The following KLHL28 variants were observed in gnomAD, a reference collection of about 807,000 sequenced individuals.
KLHL28 encodes the protein kelch-like protein 28.
In KLHL28, 22 loss-of-function variants were observed where a neutral mutation model predicts 48.3. The observed-to-expected ratio is 0.46, with a 90% CI of 0.33 to 0.65. The LOEUF is 0.65. Ranked by LOEUF, KLHL28 falls within the 30% of genes least tolerant of loss-of-function variation. The pLI, the probability that KLHL28 is intolerant of heterozygous loss-of-function variation, is 0.03. For missense variants in KLHL28, 527 were observed against 704.3 expected, an observed-to-expected ratio of 0.75 and a Z score of 2.85; for synonymous variants, 243 against 242.4, an observed-to-expected ratio of 1.00 and a Z score of -0.02.
Position 44,928,629 on chromosome 14 carries a change from C to T in KLHL28, c.*399G>A, listed in dbSNP as rs1450594756. 1.3e-5 allele frequency: 2 copies of T among 152,084 alleles called. No homozygotes were observed. The highest frequency in any genetic ancestry group is 3.9e-4 in the East Asian group (2 of 5,148). 9.4% of individuals were successfully genotyped at this position (152,084 alleles called of 1,614,324 possible). On this transcript the variant is annotated 3_prime_UTR_variant, in exon 5 of 5. Transcript: ENST00000396128. ...TCCATTCATTCAATACACTCCAGCACCTAAAGCATCGCTCATCCTAGAAAA... is the reference window on the plus strand; with the variant it reads ...TCCATTCATTCAATACACTCCAGCATCTAAAGCATCGCTCATCCTAGAAAA...
At chr14:44,955,410 C>T (rs1307849070) in intron 1 of KLHL28, among the ~76,000 whole-genome samples, 1 of 152,140 alleles carries the variant, frequency 6.6e-6, no homozygotes, top group Non-Finnish European at 1.5e-5. Context: ...GATGTACTCT[C>T]TAAATACCAT....
At chr14:44,956,122 G>GT (rs1256714083) in intron 1 of KLHL28, among the ~76,000 whole-genome samples, 2 of 152,012 alleles carry the variant, frequency 1.3e-5, no homozygotes, top group East Asian at 1.9e-4. Flanking sequence ...AAATAGATGA[G>GT]TTTTTTTGTT....
In KLHL28 at chr14:44,960,723, C is replaced by A. The variant is rs563525829; in HGVS notation, c.-1+1123G>T. 2.8e-4 allele frequency among the ~76,000 whole-genome samples: 40 copies of A among 144,230 alleles called. No homozygotes were observed. The South Asian group carries it at 5.0e-3, about 18-fold the overall frequency. The allele number at this position is 144,230 out of a possible 152,430, so 94.6% of individuals were successfully genotyped here. On this transcript the variant is annotated intron_variant, in intron 1 of 4. Coordinates refer to ENST00000396128, the MANE Select transcript of KLHL28 (RefSeq NM_017658.5). ...AGTCTATTCCCCACCCCCACCCCCC[C>A]AAAAACAAAACAAAACAAAACTGAT...
rs1426731502 is a variant in KLHL28 at position 44,928,684 on chromosome 14, T to TAATAAA, written c.*343_*344insTTTATT. The TAATAAA allele has an allele frequency of 9.0e-5, 7 of 78,092 alleles. No individual in the cohort carries two copies. The East Asian group carries it at 2.8e-3, about 31-fold the overall frequency. The allele number at this position is 78,092 out of a possible 1,614,324, so 4.8% of individuals were successfully genotyped here. On this transcript the variant is annotated 3_prime_UTR_variant, in exon 5 of 5. Transcript: ENST00000396128. ...GGTTATCAGGGAAGGAGAGCTAAAA[T>TAATAAA]AAAAAAAAAAAAAAAAAAAAAGCAG...
At position 44,937,357 on chromosome 14, in the gene KLHL28, C is replaced by T. The variant is rs761030710; in HGVS notation, c.900-2799G>A. Among the ~76,000 whole-genome samples, 36 of 152,112 alleles carry T rather than the reference C, an allele frequency of 2.4e-4. 1 individual carries two copies. Among genetic ancestry groups the T allele is most frequent in the Non-Finnish European group, 3.7e-4 (25 of 67,990 alleles). ...AGAGACAGGGTTTCACTATATTGGCCAGGCTGGTCTCGAACTCCTGAACTT... is the reference window on the plus strand; with the variant it reads ...AGAGACAGGGTTTCACTATATTGGCTAGGCTGGTCTCGAACTCCTGAACTT... On this transcript the variant is annotated intron_variant, in intron 2 of 4. Coordinates refer to ENST00000396128, the MANE Select transcript of KLHL28 (RefSeq NM_017658.5).
In KLHL28 at chr14:44,931,335, G is replaced by T; in HGVS notation, c.1550C>A (p.Thr517Lys). ...AGAAATTAATAAATTCTTATTACCT[G>T]TTCTAGGTTCTTTCATTGGTCTACA... ...TVCRPMKEPR[T>K]GVGAAVIDNY... The change falls in exon 4 of 5, where the codon ACA becomes AAA. Residue 517 changes from threonine (T) to lysine (K), a missense_variant and splice_region_variant. Coordinates refer to ENST00000396128, the MANE Select transcript of KLHL28 (RefSeq NM_017658.5). 1 of 1,599,786 alleles carries T rather than the reference G, an allele frequency of 6.3e-7. No homozygotes were observed. Among genetic ancestry groups the T allele is most frequent in the Non-Finnish European group, 8.6e-7 (1 of 1,168,552 alleles).
intron 2 of KLHL28, among the ~76,000 whole-genome samples, chr14:44,938,771 G>A (rs1883945029): frequency 6.6e-6 from 1 of 152,232 alleles, no homozygotes; most frequent in Non-Finnish European, 1.5e-5. Flanking sequence ...ACCTCTGGCA[G>A]CCCTGTCCCC....
chr14:44,945,092 G>A lies in KLHL28; in HGVS notation c.837C>T (p.Arg279=), dbSNP rs766739761. The A allele has an allele frequency of 4.5e-5, 73 of 1,614,104 alleles. No individual in the cohort carries two copies. Among genetic ancestry groups the A allele is most frequent in the Non-Finnish European group, 6.1e-5 (72 of 1,179,948 alleles). The change falls in exon 2 of 5, where the codon CGC becomes CGT. Residue 279 remains arginine (R), a synonymous_variant. Coordinates refer to ENST00000396128, the MANE Select transcript of KLHL28 (RefSeq NM_017658.5). ...CTGCACAAAGTACTTTGGGAGCACA[G>A]CGAGGTCGTGTCATCAAGACTGTCT... ...SHQTVLMTRP[R]CAPKVLCAVG... is the part of the protein sequence containing the mutation.
chr14:44,935,870 G>A (rs367886681), intron 2 of KLHL28, among the ~76,000 whole-genome samples: 870 of 29,924 alleles, frequency 0.029, 5 homozygotes, highest in Middle Eastern at 0.096. Context: ...ATGTGTATGT[G>A]TATGTATATA....
intron 1 of KLHL28, among the ~76,000 whole-genome samples, chr14:44,953,013 T>C (rs563554723): frequency 1.2e-4 from 18 of 152,332 alleles, no homozygotes; most frequent in African/African-American, 4.3e-4. Context: ...GCTGGGCTAT[T>C]TGATACTTGG....
At chr14:44,938,517 G>A (rs542584879) in intron 2 of KLHL28, among the ~76,000 whole-genome samples, 3 of 151,996 alleles carry the variant, frequency 2.0e-5, no homozygotes, top group East Asian at 1.9e-4. Flanking sequence ...GACTACAGGC[G>A]CCCACCACCA....
chr14:44,945,652 C>A lies in KLHL28; in HGVS notation c.277G>T (p.Ala93Ser), dbSNP rs561138324. The change falls in exon 2 of 5, where the codon GCC becomes TCC. Residue 93 changes from alanine to serine, a missense_variant. Ala to Ser is a moderately conservative substitution (Grantham distance 99, BLOSUM62 1). Coordinates refer to ENST00000396128, the MANE Select transcript of KLHL28 (RefSeq NM_017658.5). ...GAAATAAAAACAGTCCCTGTATAGG[C>A]ATACTCCACAATGGCCTGGAGAGCA... ...ETALQAIVEYAYTGTVFISQD... is the reference protein window; with the variant it reads ...ETALQAIVEYSYTGTVFISQD... 2 of 1,614,194 alleles carry A rather than the reference C, an allele frequency of 1.2e-6. No homozygotes were observed. The highest frequency in any genetic ancestry group is 1.7e-5 in the Admixed American group (1 of 60,022).
chr14:44,935,688 C>T (rs1010743974), intron 2 of KLHL28, among the ~76,000 whole-genome samples: 9 of 150,560 alleles, frequency 6.0e-5, no homozygotes, highest in East Asian at 3.9e-4. Flanking sequence ...GGGAATAGTT[C>T]GTAAAAATTC....
chr14:44,928,873 C>T lies in KLHL28; in HGVS notation c.*155G>A. On this transcript the variant is annotated 3_prime_UTR_variant, in exon 5 of 5. Transcript: ENST00000396128. ...TAATCAAGAGCAACCAAAACTACTT[C>T]TCAATTAAAAGTACCCAACAAAACT... The T allele has an allele frequency of 1.8e-6, 1 of 548,338 alleles. No homozygotes were observed. Among genetic ancestry groups the T allele is most frequent in the Non-Finnish European group, 3.2e-6 (1 of 314,952 alleles). The allele number at this position is 548,338 out of a possible 1,614,324, so 34.0% of individuals were successfully genotyped here.
intron 1 of KLHL28, among the ~76,000 whole-genome samples, chr14:44,958,045 T>C (rs1173102280): frequency 6.6e-6 from 1 of 150,938 alleles, no homozygotes; most frequent in East Asian, 1.9e-4. Context: ...GTATATCAGG[T>C]TCCTCCATAT....
chr14:44,929,754 C>T lies in KLHL28; in HGVS notation c.1553-563G>A, dbSNP rs1456829978. Among the ~76,000 whole-genome samples, 6 of 152,252 alleles carry T rather than the reference C, an allele frequency of 3.9e-5. No individual in the cohort carries two copies. The South Asian group carries it at 6.2e-4, about 16-fold the overall frequency. ...GCTGGAGGCCAAAAGTTTGAGGCAG[C>T]GGTGAGCTATGACTGTTCCACTGCA... is the stretch of plus-strand genomic sequence containing the variant. On this transcript the variant is annotated intron_variant, in intron 4 of 4. Transcript: ENST00000396128.
chr14:44,937,472 T>A (rs904032711), intron 2 of KLHL28, among the ~76,000 whole-genome samples: 3 of 152,114 alleles, frequency 2.0e-5, no homozygotes, highest in Non-Finnish European at 4.4e-5. Flanking sequence ...AAATACCTAG[T>A]TGATGTCAGA....
chr14:44,960,333 G>A (rs1329008668), intron 1 of KLHL28, among the ~76,000 whole-genome samples: 1 of 152,180 alleles, frequency 6.6e-6, no homozygotes, highest in South Asian at 2.1e-4. Flanking sequence ...AAGAAAGAGT[G>A]CACTGGATTT....
chr14:44,953,101 G>T (rs1884656228), intron 1 of KLHL28, among the ~76,000 whole-genome samples: 1 of 152,172 alleles, frequency 6.6e-6, no homozygotes, highest in African/African-American at 2.4e-5. Context: ...TGAGACGTAT[G>T]TAAGGAAAAA....
Sources: gnomAD v4.1 joint callset for allele counts (sites outside exome capture counted in the v4.1 genomes callset) on GRCh38, gnomAD v4.1.1 for gene constraint, MANE v1.5 for transcripts, NCBI Gene and HGNC (gene_info 2026-07-23, HGNC 2026-07-21) for gene names.